The following MC1R variants were observed in gnomAD, a reference collection of about 807,000 sequenced individuals.
MC1R encodes the protein melanocyte-stimulating hormone receptor.
For synonymous variants in MC1R, 263 were observed against 203.8 expected (o/e 1.29, Z -2.47); for missense variants, 542 against 430.0 (o/e 1.26, Z -2.30).
chr16:89,920,661 C>G lies in MC1R; in HGVS notation c.*449C>G. 2 of 716,826 alleles carry G rather than the reference C, an allele frequency of 2.8e-6. No homozygotes were observed. The highest frequency in any genetic ancestry group is 5.2e-6 in the Non-Finnish European group (2 of 384,866). The allele number at this position is 716,826 out of a possible 1,614,324, so 44.4% of individuals were successfully genotyped here. On this transcript the variant is annotated 3_prime_UTR_variant, in exon 1 of 1. Transcript: ENST00000555147. ...GGAAGTGTGTGCCAAGAGCTACTCCCACAGCAGCCCCAGGAGAAGGGGCTT... is the reference window on the plus strand; with the variant it reads ...GGAAGTGTGTGCCAAGAGCTACTCCGACAGCAGCCCCAGGAGAAGGGGCTT...
rs372152373 is a variant in MC1R at position 89,919,925 on chromosome 16, C to T, written c.667C>T (p.Arg223Trp). The change falls in exon 1 of 1, where the codon CGG becomes TGG. Residue 223 changes from arginine to tryptophan, a missense_variant. Coordinates refer to ENST00000555147, the MANE Select transcript of MC1R (RefSeq NM_002386.4). ...CTGCCAGCACGCCCAGGGCATCGCC[C>T]GGCTCCACAAGAGGCAGCGCCCGGT... The part of the protein sequence containing the change: ...RACQHAQGIA[R>W]LHKRQRPVHQ... The T allele has an allele frequency of 9.5e-5, 153 of 1,609,938 alleles. No individual in the cohort carries two copies. Among genetic ancestry groups the T allele is most frequent in the African/African-American group, 3.7e-4 (28 of 75,066 alleles).
chr16:89,920,668 G>A lies in MC1R; in HGVS notation c.*456G>A. ...TGTGCCAAGAGCTACTCCCACAGCA[G>A]CCCCAGGAGAAGGGGCTTTGTGACC... On this transcript the variant is annotated 3_prime_UTR_variant, in exon 1 of 1. Coordinates refer to ENST00000555147, the MANE Select transcript of MC1R (RefSeq NM_002386.4). 1 of 716,912 alleles carries A rather than the reference G, an allele frequency of 1.4e-6. No individual in the cohort carries two copies. The highest frequency in any genetic ancestry group is 2.7e-5 in the East Asian group (1 of 37,278). The allele number at this position is 716,912 out of a possible 1,614,324, so 44.4% of individuals were successfully genotyped here. A position where few individuals can be genotyped will look rare whatever the true frequency, so the allele number is the denominator to read the frequency against.
In MC1R at chr16:89,919,113, TG is replaced by T; in HGVS notation, c.-141del. On this transcript the variant is annotated 5_prime_UTR_variant, in exon 1 of 1. Coordinates refer to ENST00000555147, the MANE Select transcript of MC1R (RefSeq NM_002386.4). The stretch of plus-strand genomic sequence containing the variant: ...CAGGGAGAGGGTGTGAGGGCAGATC[TG>T]GGGGTGCCCAGATGGAAGGAGGCAG... The T allele has an allele frequency of 3.2e-6, 2 of 629,052 alleles. No homozygotes were observed. Among genetic ancestry groups the T allele is most frequent in the Non-Finnish European group, 5.5e-6 (2 of 360,430 alleles). The allele number at this position is 629,052 out of a possible 1,614,324, so 39.0% of individuals were successfully genotyped here.
chr16:89,919,268 C>T lies in MC1R; in HGVS notation c.10C>T (p.Gln4Ter), dbSNP rs2045688422. The part of the protein sequence containing the change: MAV[Q>*]GSQRRLLGSL... ...CTTCCTGGACAGGACTATGGCTGTG[C>T]AGGGATCCCAGAGAAGACTTCTGGG... Residue 4 changes from glutamine (Q) to a stop codon, truncating the protein, a stop_gained, in exon 1 of 1, where the codon CAG becomes TAG. Transcript: ENST00000555147. LOFTEE classifies it low-confidence loss of function (END_TRUNC). 6.4e-7 allele frequency: 1 copy of T among 1,573,390 alleles called. No individual in the cohort carries two copies. Among genetic ancestry groups the T allele is most frequent in the Admixed American group, 1.9e-5 (1 of 53,956 alleles).
chr16:89,919,972 A>T lies in MC1R; in HGVS notation c.714A>T (p.Lys238Asn). Reference sequence around the variant, plus strand: ...CGGTCCACCAGGGCTTTGGCCTTAAAGGCGCTGTCACCCTCACCATCCTGC... The same window carrying T: ...CGGTCCACCAGGGCTTTGGCCTTAATGGCGCTGTCACCCTCACCATCCTGC... ...QRPVHQGFGL[K>N]GAVTLTILLG... is the part of the protein sequence containing the mutation. The change falls in exon 1 of 1, where the codon AAA becomes AAT. Residue 238 changes from lysine to asparagine, a missense_variant. Lys to Asn is a moderately conservative substitution (Grantham distance 94). Coordinates refer to ENST00000555147, the MANE Select transcript of MC1R (RefSeq NM_002386.4). 1 of 1,612,954 alleles carries T rather than the reference A, an allele frequency of 6.2e-7. No homozygotes were observed. Among genetic ancestry groups the T allele is most frequent in the South Asian group, 1.1e-5 (1 of 91,086 alleles).
rs1191428072 is a variant in MC1R at position 89,920,937 on chromosome 16, G to A, written c.*725G>A. 1 of 543,916 alleles carries A rather than the reference G, an allele frequency of 1.8e-6. No homozygotes were observed. The highest frequency in any genetic ancestry group is 3.3e-6 in the Non-Finnish European group (1 of 299,974). The allele number at this position is 543,916 out of a possible 1,614,324, so 33.7% of individuals were successfully genotyped here. ...CCAGTGCCTGTGAGCATGGGGCCAG[G>A]AAAGTCTGGTAATAAATGTGACTCA... On this transcript the variant is annotated 3_prime_UTR_variant, in exon 1 of 1. Transcript: ENST00000555147.
At position 89,920,818 on chromosome 16, in the gene MC1R, G is replaced by A. The variant is rs766864971; in HGVS notation, c.*606G>A. On this transcript the variant is annotated 3_prime_UTR_variant, in exon 1 of 1. Coordinates refer to ENST00000555147, the MANE Select transcript of MC1R (RefSeq NM_002386.4). ...ATGGGGCTGAGCCCTCCTGAGGGCC[G>A]GTTCTAAGGCTCAGACTGGGCACTG... The A allele has an allele frequency of 4.8e-5, 30 of 624,002 alleles. No individual in the cohort carries two copies. The highest frequency in any genetic ancestry group is 9.3e-5 in the African/African-American group (5 of 53,954). The allele number at this position is 624,002 out of a possible 1,614,324, so 38.7% of individuals were successfully genotyped here.
rs377580634 is a variant in MC1R at position 89,919,841 on chromosome 16, T to G, written c.583T>G (p.Phe195Val). ...GGCCGTCCTGCTGTGCCTCGTGGTC[T>G]TCTTCCTGGCTATGCTGGTGCTCAT... ...HVAVLLCLVV[F>V]FLAMLVLMAV... The change falls in exon 1 of 1, where the codon TTC becomes GTC. Residue 195 changes from phenylalanine to valine, a missense_variant. Coordinates refer to ENST00000555147, the MANE Select transcript of MC1R (RefSeq NM_002386.4). 4.4e-5 allele frequency: 71 copies of G among 1,606,550 alleles called. No homozygotes were observed. Among genetic ancestry groups the G allele is most frequent in the South Asian group, 5.5e-5 (5 of 91,078 alleles).
In MC1R at chr16:89,920,725, C is replaced by T; in HGVS notation, c.*513C>T. 1.4e-6 allele frequency: 1 copy of T among 716,422 alleles called. No individual in the cohort carries two copies. Among genetic ancestry groups the T allele is most frequent in the Non-Finnish European group, 2.6e-6 (1 of 384,704 alleles). The allele number at this position is 716,422 out of a possible 1,614,324, so 44.4% of individuals were successfully genotyped here. A position where few individuals can be genotyped will look rare whatever the true frequency, so the allele number is the denominator to read the frequency against. On this transcript the variant is annotated 3_prime_UTR_variant, in exon 1 of 1. Transcript: ENST00000555147. ...CTTCATCCACAGCCTTGCAGCGGCT[C>T]CTGCAAAAGGAGGTGAAATCCCTGC...
In MC1R at chr16:89,920,230, T is replaced by G. The variant is rs1354396991; in HGVS notation, c.*18T>G. On this transcript the variant is annotated 3_prime_UTR_variant, in exon 1 of 1. Transcript: ENST00000555147. The stretch of plus-strand genomic sequence containing the variant: ...CCTGGTGAGCGCGGTGCACGCGGCT[T>G]TAAGTGTGCTGGGCAGAGGGAGGTG... 6.3e-6 allele frequency: 10 copies of G among 1,594,172 alleles called. No homozygotes were observed. Among genetic ancestry groups the G allele is most frequent in the Non-Finnish European group, 6.9e-6 (8 of 1,162,776 alleles).
Position 89,919,720 on chromosome 16 carries a change from C to A in MC1R, c.462C>A (p.Ser154Arg). The A allele has an allele frequency of 6.2e-7, 1 of 1,606,308 alleles. No homozygotes were observed. ...ISIFYALRYHSIVTLPRARRA... is the reference protein window; with the variant it reads ...ISIFYALRYHRIVTLPRARRA... ...TCTTCTACGCACTGCGCTACCACAG[C>A]ATCGTGACCCTGCCGCGGGCGCGGC... The change falls in exon 1 of 1, where the codon AGC (serine) becomes AGA (arginine). Residue 154 changes from serine (S) to arginine (R), a missense_variant. Physicochemically the swap from Ser to Arg is moderately radical, Grantham distance 110 (BLOSUM62 -1). Transcript: ENST00000555147.
rs1177091690 is a variant in MC1R at position 89,920,244 on chromosome 16, C to T, written c.*32C>T. 3.8e-6 allele frequency: 6 copies of T among 1,559,024 alleles called. No individual in the cohort carries two copies. The highest frequency in any genetic ancestry group is 2.7e-5 in the African/African-American group (2 of 73,566). ...TGCACGCGGCTTTAAGTGTGCTGGG[C>T]AGAGGGAGGTGGTGATATTGTGTGG... On this transcript the variant is annotated 3_prime_UTR_variant, in exon 1 of 1. Transcript: ENST00000555147.
chr16:89,919,541 ACGGC>A lies in MC1R; in HGVS notation c.286_289del (p.Ala96SerfsTer26). 6.2e-7 allele frequency: 1 copy of A among 1,612,646 alleles called. No homozygotes were observed. The highest frequency in any genetic ancestry group is 1.1e-5 in the South Asian group (1 of 91,076). On this transcript the variant is annotated frameshift_variant, in exon 1 of 1. Transcript: ENST00000555147. LOFTEE classifies it low-confidence loss of function (END_TRUNC). ...GGTGAGCGGGAGCAACGTGCTGGAG[ACGGC>A]CGTCATCCTCCTGCTGGAGGCCGGT...
rs1400533954 is a variant in MC1R, at chr16:89,919,500, C to T, written c.242C>T (p.Ala81Val). The change falls in exon 1 of 1, where the codon GCC (alanine) becomes GTC (valine). Residue 81 changes from alanine to valine, a missense_variant. Coordinates refer to ENST00000555147, the MANE Select transcript of MC1R (RefSeq NM_002386.4). The part of the protein sequence containing the change: ...SPMYCFICCL[A>V]LSDLLVSGSN... ...ATGTACTGCTTCATCTGCTGCCTGGCCTTGTCGGACCTGCTGGTGAGCGGG... is the reference window on the plus strand; with the variant it reads ...ATGTACTGCTTCATCTGCTGCCTGGTCTTGTCGGACCTGCTGGTGAGCGGG... The T allele has an allele frequency of 6.2e-7, 1 of 1,613,052 alleles. No homozygotes were observed. Among genetic ancestry groups the T allele is most frequent in the African/African-American group, 1.3e-5 (1 of 74,934 alleles).
chr16:89,919,419 T>A lies in MC1R; in HGVS notation c.161T>A (p.Val54Glu), dbSNP rs781182922. ...CTCAGCCTGGGGCTGGTGAGCTTGG[T>A]GGAGAACGCGCTGGTGGTGGCCACC... ...LFLSLGLVSL[V>E]ENALVVATIA... The change falls in exon 1 of 1, where the codon GTG (valine) becomes GAG (glutamate). Residue 54 changes from valine to glutamate, a missense_variant. Transcript: ENST00000555147. The A allele has an allele frequency of 6.2e-7, 1 of 1,613,194 alleles. No individual in the cohort carries two copies. The highest frequency in any genetic ancestry group is 8.5e-7 in the Non-Finnish European group (1 of 1,179,864).
chr16:89,919,500 C>A lies in MC1R; in HGVS notation c.242C>A (p.Ala81Asp). 1.2e-6 allele frequency: 2 copies of A among 1,613,168 alleles called. No individual in the cohort carries two copies. The highest frequency in any genetic ancestry group is 1.1e-5 in the South Asian group (1 of 91,086). ...SPMYCFICCL[A>D]LSDLLVSGSN... Reference sequence around the variant, plus strand: ...ATGTACTGCTTCATCTGCTGCCTGGCCTTGTCGGACCTGCTGGTGAGCGGG... The same window carrying A: ...ATGTACTGCTTCATCTGCTGCCTGGACTTGTCGGACCTGCTGGTGAGCGGG... The change falls in exon 1 of 1, where the codon GCC becomes GAC. Residue 81 changes from alanine to aspartate, a missense_variant. By Grantham distance (126) the Ala-to-Asp change is moderately radical. Coordinates refer to ENST00000555147, the MANE Select transcript of MC1R (RefSeq NM_002386.4).
rs776046156 is a variant in MC1R at position 89,919,942 on chromosome 16, GC to G, written c.685del (p.Arg229AlafsTer85). Reference sequence around the variant, plus strand: ...GCATCGCCCGGCTCCACAAGAGGCAGCGCCCGGTCCACCAGGGCTTTGGCCT... The same window carrying G: ...GCATCGCCCGGCTCCACAAGAGGCAGGCCCGGTCCACCAGGGCTTTGGCCT... ...QGIARLHKRQRPVHQGFGLKG... is the reference protein window; with the variant it reads ...QGIARLHKRQXPVHQGFGLKG... On this transcript the variant is annotated frameshift_variant, in exon 1 of 1. Coordinates refer to ENST00000555147, the MANE Select transcript of MC1R (RefSeq NM_002386.4). LOFTEE classifies it low-confidence loss of function (END_TRUNC). 8.1e-6 allele frequency: 13 copies of G among 1,611,342 alleles called. No individual in the cohort carries two copies. Among genetic ancestry groups the G allele is most frequent in the Admixed American group, 1.7e-5 (1 of 60,016 alleles).
chr16:89,919,974 GCGCTGTCACCCT>G lies in MC1R; in HGVS notation c.718_729del (p.Ala240_Leu243del). 3 of 1,612,966 alleles carry G rather than the reference GCGCTGTCACCCT, an allele frequency of 1.9e-6. No homozygotes were observed. In the African/African-American group the frequency reaches 4.0e-5, roughly 21 times the overall value. ...GTCCACCAGGGCTTTGGCCTTAAAG[GCGCTGTCACCCT>G]CACCATCCTGCTGGGCATTTTCTTC... is the stretch of plus-strand genomic sequence containing the variant. On this transcript the variant is annotated inframe_deletion, in exon 1 of 1. Transcript: ENST00000555147.
At position 89,920,875 on chromosome 16, in the gene MC1R, C is replaced by G; in HGVS notation, c.*663C>G. The G allele has an allele frequency of 1.7e-6, 1 of 595,724 alleles. No individual in the cohort carries two copies. Among genetic ancestry groups the G allele is most frequent in the Non-Finnish European group, 3.0e-6 (1 of 328,156 alleles). The allele number at this position is 595,724 out of a possible 1,614,324, so 36.9% of individuals were successfully genotyped here. ...CAGCCTGCTTTCCTGCAGCAGTCGC[C>G]CAAGCAGACAGCCCTGGCAAATGCC... On this transcript the variant is annotated 3_prime_UTR_variant, in exon 1 of 1. Transcript: ENST00000555147.
Sources: gnomAD v4.1 joint callset for allele counts on GRCh38, gnomAD v4.1.1 for gene constraint, MANE v1.5 for transcripts, NCBI Gene and HGNC (gene_info 2026-07-23, HGNC 2026-07-21) for gene names.